Variants in STXBP3 observed in about 807,000 individuals in gnomAD.
The protein encoded by STXBP3 is syntaxin-binding protein 3.
STXBP3 carries 41 observed loss-of-function variants against 85.7 expected under a neutral mutation model. The ratio of observed to expected loss-of-function variants is 0.48; its 90% confidence interval spans 0.37 to 0.62. The LOEUF is 0.62. Among genes scored for constraint, STXBP3 ranks in the 20% least tolerant of loss-of-function variants. The pLI, the probability that STXBP3 is intolerant of heterozygous loss-of-function variation, is 0.00. For synonymous variants in STXBP3, 229 were observed against 231.7 expected, an observed-to-expected ratio of 0.99 and a Z score of 0.10; for missense variants, 563 against 703.1, an observed-to-expected ratio of 0.80 and a Z score of 2.25.
chr1:108,768,328 G>A (rs1008375801), intron 6 of STXBP3, among the ~76,000 whole-genome samples: 5 of 152,032 alleles, frequency 3.3e-5, no homozygotes, highest in Admixed American at 2.0e-4. Context: ...TCGAACTCCC[G>A]GGTTCAAGCA....
intron 6 of STXBP3, among the ~76,000 whole-genome samples, chr1:108,771,565 AAATATATAT>A (rs1328057374): frequency 1.5e-4 from 7 of 48,122 alleles, no homozygotes; most frequent in African/African-American, 3.7e-4. Flanking sequence ...TATGATATAT[AAATATATAT>A]GATATATATC....
At position 108,807,312 on chromosome 1, in the gene STXBP3, G is replaced by A. The variant is rs1289207230; in HGVS notation, c.1536-89G>A. On this transcript the variant is annotated intron_variant, in intron 17 of 18. Transcript: ENST00000370008. ...GTAATTGGTAGCAAGTTTGAGTTTGGTTGAGTTAGGCTTTTTAAGTCTACA... is the reference window on the plus strand; with the variant it reads ...GTAATTGGTAGCAAGTTTGAGTTTGATTGAGTTAGGCTTTTTAAGTCTACA... The A allele has an allele frequency of 1.2e-5, 16 of 1,358,844 alleles. No individual in the cohort carries two copies. The South Asian group carries it at 1.4e-4, about 12-fold the overall frequency. 84.2% of individuals were successfully genotyped at this position (1,358,844 alleles called of 1,614,324 possible). A position where few individuals can be genotyped will look rare whatever the true frequency, so the allele number is the denominator to read the frequency against.
chr1:108,803,404 C>A (rs570143925), intron 17 of STXBP3, among the ~76,000 whole-genome samples: 1 of 152,174 alleles, frequency 6.6e-6, no homozygotes, highest in African/African-American at 2.4e-5. Context: ...CCTGTTAAAT[C>A]GCCCACCACC....
At chr1:108,772,509 AAT>A (rs1490293664) in intron 6 of STXBP3, among the ~76,000 whole-genome samples, 154 bp from the exon 7 acceptor site, 1 of 146,646 alleles carries the variant, frequency 6.8e-6, no homozygotes, top group Admixed American at 6.9e-5. Flanking sequence ...ATCTATATAT[AAT>A]ATATAAATAC....
chr1:108,782,619 A>C, intron 10 of STXBP3, 30 bp from the exon 11 acceptor site: 1 of 1,600,932 alleles, frequency 6.2e-7, no homozygotes, highest in South Asian at 1.1e-5. Context: ...ACATCTTAGA[A>C]ATTTAAAGAA....
intron 17 of STXBP3, among the ~76,000 whole-genome samples, chr1:108,802,265 C>CGG (rs879778069): frequency 6.0e-4 from 91 of 152,144 alleles, no homozygotes; most frequent in South Asian, 1.0e-3. Flanking sequence ...GGCATGGTGG[C>CGG]ACACTCCTGT....
At chr1:108,799,737 A>T (rs1271164717) in intron 16 of STXBP3, among the ~76,000 whole-genome samples, 1 of 152,222 alleles carries the variant, frequency 6.6e-6, no homozygotes, top group African/African-American at 2.4e-5. Context: ...CTATGTATAC[A>T]GTATATTTAT....
Position 108,809,500 on chromosome 1 carries a change from AAAAT to A in STXBP3, c.*629_*632del, listed in dbSNP as rs1663409580. On this transcript the variant is annotated 3_prime_UTR_variant, in exon 19 of 19. Transcript: ENST00000370008. ...CCAAAAATCATGAACATTCTAAGAG[AAAAT>A]AAATATAGAATTTAAAAAATTATTC... The A allele has an allele frequency of 6.6e-6, 1 of 152,284 alleles. No individual in the cohort carries two copies. The highest frequency in any genetic ancestry group is 2.4e-5 in the African/African-American group (1 of 41,456). The allele number at this position is 152,284 out of a possible 1,614,324, so 9.4% of individuals were successfully genotyped here. A position where few individuals can be genotyped will look rare whatever the true frequency, so the allele number is the denominator to read the frequency against.
intron 17 of STXBP3, among the ~76,000 whole-genome samples, chr1:108,806,361 A>G (rs1239186751): frequency 1.3e-5 from 2 of 152,172 alleles, no homozygotes; most frequent in African/African-American, 4.8e-5. Context: ...ATTTAAATTT[A>G]AATAGCCTCA....
At chr1:108,783,839 T>C (rs958612437) in intron 11 of STXBP3, among the ~76,000 whole-genome samples, 1 of 152,218 alleles carries the variant, frequency 6.6e-6, no homozygotes, top group Non-Finnish European at 1.5e-5. Flanking sequence ...TTCTTGTCTT[T>C]ATTTTCAATT....
intron 17 of STXBP3, among the ~76,000 whole-genome samples, chr1:108,804,697 A>C (rs964393510): frequency 1.1e-4 from 16 of 152,158 alleles, no homozygotes; most frequent in African/African-American, 3.6e-4. Flanking sequence ...GGTTCCTCAG[A>C]CCATGAAGGT....
chr1:108,785,979 G>A (rs1225928191), intron 11 of STXBP3, among the ~76,000 whole-genome samples: 4 of 152,098 alleles, frequency 2.6e-5, no homozygotes, highest in Admixed American at 1.3e-4. Flanking sequence ...ACATTTTCCT[G>A]TCTTCTTCTG....
chr1:108,808,673 A>ATTACCCCAGGCTACTGCACT, intron 18 of STXBP3, 110 bp from the exon 19 acceptor site: 1 of 818,654 alleles, frequency 1.2e-6, no homozygotes, highest in South Asian at 1.5e-5. Flanking sequence ...ATTTTGTTAC[A>ATTACCCCAGGCTACTGCACT]TTACCCCAGG....
At chr1:108,757,418 A>G (rs1383003420) in intron 4 of STXBP3, among the ~76,000 whole-genome samples, 1 of 152,086 alleles carries the variant, frequency 6.6e-6, no homozygotes, top group African/African-American at 2.4e-5. Flanking sequence ...AAAAAAACAA[A>G]AAGATACACA....
intron 16 of STXBP3, among the ~76,000 whole-genome samples, chr1:108,799,014 A>G (rs909223401): frequency 2.0e-5 from 3 of 152,208 alleles, no homozygotes; most frequent in African/African-American, 7.2e-5. Flanking sequence ...AACATTATTC[A>G]ATTATAGGAA....
intron 3 of STXBP3, among the ~76,000 whole-genome samples, chr1:108,753,801 C>T (rs1003660337): frequency 7.2e-5 from 11 of 152,060 alleles, no homozygotes; most frequent in African/African-American, 2.7e-4. Context: ...CTTTAACTCA[C>T]TTATTAAAAT....
At chr1:108,782,547 A>G (rs754343815) in intron 10 of STXBP3, 30 bp downstream of exon 10, 2 of 1,608,916 alleles carry the variant, frequency 1.2e-6, no homozygotes, top group Non-Finnish European at 8.5e-7. Context: ...TTTTTGTTCC[A>G]TAATTTTTAG....
In STXBP3 at chr1:108,776,429, G is replaced by C; in HGVS notation, c.684+6G>C. On this transcript the variant is annotated splice_donor_region_variant and intron_variant, in intron 8 of 18. Coordinates refer to ENST00000370008, the MANE Select transcript of STXBP3 (RefSeq NM_007269.4). Reference sequence around the variant, plus strand: ...ATGAAAAGAGCCTAATAAAGGTAATGTATGCAAGGCAAGTAATGACTATGC... The same window carrying C: ...ATGAAAAGAGCCTAATAAAGGTAATCTATGCAAGGCAAGTAATGACTATGC... The C allele has an allele frequency of 1.3e-6, 2 of 1,591,310 alleles. No homozygotes were observed. The highest frequency in any genetic ancestry group is 2.7e-5 in the African/African-American group (2 of 74,476).
Position 108,756,717 on chromosome 1 carries a change from A to C in STXBP3, c.209A>C (p.Glu70Ala). ...TVVENIYKNR[E>A]PVRQMKALYF... ...GTAGAGAATATTTATAAGAACCGTGAACCTGTCAGACAAATGAAAGCTCTT... is the reference window on the plus strand; with the variant it reads ...GTAGAGAATATTTATAAGAACCGTGCACCTGTCAGACAAATGAAAGCTCTT... Residue 70 changes from glutamate (E) to alanine (A), a missense_variant, in exon 4 of 19, where the codon GAA (glutamate) becomes GCA (alanine). Transcript: ENST00000370008. 6.3e-7 allele frequency: 1 copy of C among 1,593,952 alleles called. No homozygotes were observed. Among genetic ancestry groups the C allele is most frequent in the Non-Finnish European group, 8.6e-7 (1 of 1,169,044 alleles).
Sources: allele counts gnomAD v4.1 joint callset (sites outside exome capture counted in the v4.1 genomes callset), GRCh38; gene constraint gnomAD v4.1.1; transcripts MANE v1.5; gene names NCBI Gene and HGNC (gene_info 2026-07-23, HGNC 2026-07-21).